The following SVEP1 variants were observed in gnomAD, a reference collection of about 807,000 sequenced individuals.
The protein encoded by SVEP1 is sushi, von Willebrand factor type A, EGF and pentraxin domain-containing protein 1.
In SVEP1, 164 loss-of-function variants were observed where a neutral mutation model predicts 367.3. The observed-to-expected ratio is 0.45, with a 90% CI of 0.39 to 0.51. The LOEUF is 0.51. SVEP1 is among the 20% of genes least tolerant of loss of function. The probability of loss-of-function intolerance (pLI) is 0.00; values close to 1 mark genes in which losing one functional copy is unlikely to be tolerated. For synonymous variants in SVEP1, 1,666 were observed against 1,611.6 expected (o/e 1.03, Z -0.81); for missense variants, 4,117 against 4,425.3 (o/e 0.93, Z 1.98).
Position 110,445,944 on chromosome 9 carries a change from G to C in SVEP1, c.4356C>G (p.Thr1452=), listed in dbSNP as rs1162092343. The change falls in exon 26 of 48, where the codon ACC becomes ACG. Residue 1452 remains threonine (T), a synonymous_variant. Coordinates refer to ENST00000374469, the MANE Select transcript of SVEP1 (RefSeq NM_153366.4). ...DGMLPSLHAL[T]CTFWMKSSDD... ...CAGAGGATTTCATCCAGAAGGTACA[G>C]GTTAGAGCATGGAGAGATGGGAGCA... The C allele has an allele frequency of 6.2e-7, 1 of 1,613,828 alleles. No homozygotes were observed. Among genetic ancestry groups the C allele is most frequent in the Non-Finnish European group, 8.5e-7 (1 of 1,179,856 alleles).
At chr9:110,386,704 C>T (rs1827529035) in intron 42 of SVEP1, among the ~76,000 whole-genome samples, 1 of 152,222 alleles carries the variant, frequency 6.6e-6, no homozygotes, top group African/African-American at 2.4e-5. Context: ...GTGTGACACA[C>T]ATGTCAACAC....
At chr9:110,382,744 C>G (rs778461515) in intron 43 of SVEP1, among the ~76,000 whole-genome samples, 9 of 152,148 alleles carry the variant, frequency 5.9e-5, no homozygotes, top group Non-Finnish European at 1.2e-4. Context: ...TCATAGTTCT[C>G]AGAGGTTTTG....
intron 40 of SVEP1, among the ~76,000 whole-genome samples, chr9:110,390,816 C>T (rs1827643278): frequency 6.6e-6 from 1 of 152,030 alleles, no homozygotes; most frequent in South Asian, 2.1e-4. Context: ...AAAATCCTGT[C>T]TGATGGAAAA....
intron 3 of SVEP1, among the ~76,000 whole-genome samples, chr9:110,515,296 ATTTT>A (rs56032828): frequency 2.2e-4 from 22 of 101,456 alleles, no homozygotes; most frequent in African/African-American, 5.7e-4. Context: ...TTATGTGGGG[ATTTT>A]TTTTTTTTTT....
intron 43 of SVEP1, among the ~76,000 whole-genome samples, chr9:110,382,126 C>G (rs1254611313): frequency 6.6e-6 from 1 of 152,034 alleles, no homozygotes; most frequent in Non-Finnish European, 1.5e-5. Context: ...CATCATGATT[C>G]TAGGTGGTTA....
chr9:110,395,793 G>C (rs1165315494), intron 40 of SVEP1, among the ~76,000 whole-genome samples: 3 of 152,012 alleles, frequency 2.0e-5, no homozygotes, highest in Non-Finnish European at 2.9e-5. Context: ...AATTCAACAA[G>C]AAGAGCTAAC....
At position 110,387,345 on chromosome 9, in the gene SVEP1, G is replaced by A; in HGVS notation, c.10000C>T (p.Pro3334Ser). 2 of 1,613,076 alleles carry A rather than the reference G, an allele frequency of 1.2e-6. No individual in the cohort carries two copies. Among genetic ancestry groups the A allele is most frequent in the Non-Finnish European group, 1.7e-6 (2 of 1,179,590 alleles). Reference sequence around the variant, plus strand: ...TTTTCTGTGCAGTGTGCCTCAGATGGCCCTTCAAGACTGTAGCCTCTGTTG... The same window carrying A: ...TTTTCTGTGCAGTGTGCCTCAGATGACCCTTCAAGACTGTAGCCTCTGTTG... ...SCNRGYSLEGPSEAHCTENGT... is the reference protein window; with the variant it reads ...SCNRGYSLEGSSEAHCTENGT... Residue 3334 changes from proline to serine, a missense_variant, in exon 42 of 48, where the codon CCA becomes TCA. This residue lies in a region of SVEP1 where 1,765 missense variants were observed against 1,781.1 expected (regional missense o/e 0.99). Transcript: ENST00000374469.
At chr9:110,375,818 T>G (rs548821734) in intron 45 of SVEP1, among the ~76,000 whole-genome samples, 3 of 152,364 alleles carry the variant, frequency 2.0e-5, no homozygotes, top group South Asian at 4.1e-4. Flanking sequence ...CATTACAAAT[T>G]ACATAAAATG....
chr9:110,412,517 T>C (rs1367594031), intron 36 of SVEP1, among the ~76,000 whole-genome samples: 2 of 151,896 alleles, frequency 1.3e-5, no homozygotes, highest in East Asian at 1.9e-4. Flanking sequence ...CCAAAAGCAA[T>C]GGCAACAAAA....
At chr9:110,394,465 G>A (rs1406243603) in intron 40 of SVEP1, among the ~76,000 whole-genome samples, 11 of 152,306 alleles carry the variant, frequency 7.2e-5, no homozygotes, top group African/African-American at 1.7e-4. Context: ...CCAAAGGAAC[G>A]CAGCTCCTCA....
At chr9:110,534,355 A>G (rs2118823207) in intron 3 of SVEP1, among the ~76,000 whole-genome samples, 1 of 152,276 alleles carries the variant, frequency 6.6e-6, no homozygotes, top group African/African-American at 2.4e-5. Context: ...AAAGGACATG[A>G]TCTCATTCCT....
chr9:110,370,924 C>T (rs918008618), intron 46 of SVEP1, among the ~76,000 whole-genome samples: 68 of 152,224 alleles, frequency 4.5e-4, no homozygotes, highest in African/African-American at 1.5e-3. Flanking sequence ...CACCATTGTA[C>T]GTATATAATA....
In SVEP1 at chr9:110,385,914, T is replaced by C. The variant is rs984927965; in HGVS notation, c.10221A>G (p.Thr3407=). 1 of 1,613,234 alleles carries C rather than the reference T, an allele frequency of 6.2e-7. No individual in the cohort carries two copies. Among genetic ancestry groups the C allele is most frequent in the Non-Finnish European group, 8.5e-7 (1 of 1,179,626 alleles). The part of the protein sequence containing the change: ...TCNPDETWTQ[T]SAKCEKISCG... ...CTGACTTACTTTCACATTTGGCGCT[T>C]GTCTGTGTCCACGTCTCGTCGGGGT... is the stretch of plus-strand genomic sequence containing the variant. Residue 3407 remains threonine, a synonymous_variant, in exon 43 of 48, where the codon ACA becomes ACG. Coordinates refer to ENST00000374469, the MANE Select transcript of SVEP1 (RefSeq NM_153366.4).
intron 26 of SVEP1, 136 bp downstream of exon 26, chr9:110,445,701 C>T: frequency 1.1e-6 from 1 of 874,674 alleles, no homozygotes; most frequent in Non-Finnish European, 1.8e-6. Context: ...TTCAGATGCT[C>T]CATTTGATTA....
At position 110,549,603 on chromosome 9, in the gene SVEP1, A is replaced by G. The variant is rs749988379; in HGVS notation, c.787+246T>C. Among the ~76,000 whole-genome samples the G allele has an allele frequency of 2.0e-5, 3 of 152,196 alleles. No homozygotes were observed. In the South Asian group the frequency reaches 6.2e-4, roughly 32 times the overall value. On this transcript the variant is annotated intron_variant, in intron 2 of 47. Transcript: ENST00000374469. The stretch of plus-strand genomic sequence containing the variant: ...TCCACTGATTCTAAGGTGGGAGCAT[A>G]TGGATATTTTAGTGAAAACACATAA...
At chr9:110,429,004 G>C in intron 35 of SVEP1, 139 bp downstream of exon 35, 1 of 672,992 alleles carries the variant, frequency 1.5e-6, no homozygotes. Context: ...GGGAGGCAGA[G>C]ATTGCAGTGA....
intron 3 of SVEP1, among the ~76,000 whole-genome samples, chr9:110,539,250 G>C (rs1830115160): frequency 6.6e-6 from 1 of 152,056 alleles, no homozygotes; most frequent in Non-Finnish European, 1.5e-5. Context: ...AGGTGTGATG[G>C]GAAAGGGAGC....
At chr9:110,462,500 T>C (rs1390247670) in intron 18 of SVEP1, among the ~76,000 whole-genome samples, 1 of 150,778 alleles carries the variant, frequency 6.6e-6, no homozygotes, top group Non-Finnish European at 1.5e-5. Context: ...TATATGTATA[T>C]ATAAACATAC....
chr9:110,408,398 C>A lies in SVEP1; in HGVS notation c.7202G>T (p.Gly2401Val). The change falls in exon 38 of 48, where the codon GGA (glycine) becomes GTA (valine). Residue 2401 changes from glycine to valine, a missense_variant. Transcript: ENST00000374469. ...TACACAAGAATACTTGACAGTACTTCCAAAATGAAGAGCAGAAGAAGGAAT... is the reference window on the plus strand; with the variant it reads ...TACACAAGAATACTTGACAGTACTTACAAAATGAAGAGCAGAAGAAGGAAT... ...VPIPSSALHF[G>V]STVKYSCVGG... The A allele has an allele frequency of 6.2e-7, 1 of 1,613,876 alleles. No individual in the cohort carries two copies. The highest frequency in any genetic ancestry group is 1.3e-5 in the African/African-American group (1 of 75,020).
Sources: allele counts gnomAD v4.1 joint callset (sites outside exome capture counted in the v4.1 genomes callset), GRCh38; gene constraint gnomAD v4.1.1; regional missense constraint gnomAD v4.1.1; transcripts MANE v1.5; gene names NCBI Gene and HGNC (gene_info 2026-07-23, HGNC 2026-07-21).